The following THBS4 variants were observed in gnomAD, a reference collection of about 807,000 sequenced individuals.
THBS4 encodes the protein thrombospondin 4, also known as thrombospondin-4.
A neutral mutation model predicts 115.7 loss-of-function variants in THBS4; 90 were observed. That is an observed-to-expected ratio of 0.78 (90% CI 0.66 to 0.93). The LOEUF (loss-of-function observed/expected upper bound fraction) is 0.93. THBS4 is among the 40% of genes least tolerant of loss of function. THBS4 has a pLI of 0.00. For missense variants in THBS4, 1,087 were observed against 1,232.7 expected (o/e 0.88, Z 1.77); for synonymous variants, 460 against 479.3 (o/e 0.96, Z 0.53).
At position 80,072,369 on chromosome 5, in the gene THBS4, T is replaced by C. The variant is rs754345025; in HGVS notation, c.1812T>C (p.Ser604=). 6.2e-6 allele frequency: 10 copies of C among 1,614,158 alleles called. No homozygotes were observed. Among genetic ancestry groups the C allele is most frequent in the Non-Finnish European group, 8.5e-6 (10 of 1,180,010 alleles). The change falls in exon 14 of 22, where the codon AGT becomes AGC. Residue 604 remains serine, a synonymous_variant. Transcript: ENST00000350881. ...ATGGTGTGGGGGATGCCTGTGACAG[T>C]TGTCCTGATGTCAGCAACCCTAACC... The part of the protein sequence containing the change: ...DGDGVGDACD[S]CPDVSNPNQS...
chr5:80,078,968 G>A lies in THBS4; in HGVS notation c.2313G>A (p.Val771=), dbSNP rs376193919. The A allele has an allele frequency of 1.9e-6, 3 of 1,614,088 alleles. No individual in the cohort carries two copies. Among genetic ancestry groups the A allele is most frequent in the Non-Finnish European group, 1.7e-6 (2 of 1,179,976 alleles). Residue 771 remains valine (V), a splice_region_variant and synonymous_variant, in exon 18 of 22, where the codon GTG becomes GTA. Coordinates refer to ENST00000350881, the MANE Select transcript of THBS4 (RefSeq NM_003248.6). ...TGAACAGTGATCCTGGCCTGGCAGT[G>A]GGTATGTCCAGGGCCTCAGTTGCCA... The part of the protein sequence containing the change: ...QTMNSDPGLA[V]GYTAFNGVDF...
chr5:79,995,700 T>C (rs1488169131), intron 1 of THBS4, among the ~76,000 whole-genome samples: 1 of 152,048 alleles, frequency 6.6e-6, no homozygotes, highest in Non-Finnish European at 1.5e-5. Context: ...ATGAGAGACA[T>C]GCTCTCTTTC....
intron 1 of THBS4, chr5:80,036,209 T>C: frequency 1.0e-6 from 1 of 985,258 alleles, no homozygotes; most frequent in Non-Finnish European, 1.2e-6. Flanking sequence ...ACTGGTCTTT[T>C]TCAATGAAAT....
chr5:80,012,410 G>T (rs1185098552), intron 2 of THBS4, among the ~76,000 whole-genome samples: 1 of 152,184 alleles, frequency 6.6e-6, no homozygotes. Flanking sequence ...TGGTCCTCTT[G>T]TGGACAGGAG....
rs767882774 is a variant in THBS4 at position 80,059,737 on chromosome 5, G to A, written c.819G>A (p.Thr273=). The change falls in exon 7 of 22, where the codon ACG becomes ACA. Residue 273 remains threonine, a synonymous_variant. Transcript: ENST00000350881. The stretch of plus-strand genomic sequence containing the variant: ...AGTTTCAGTCTCCGACCCCAAGCAC[G>A]GTGGTGCCCCCGGCTCCCCCTGCAC... ...PLKFQSPTPS[T]VVPPAPPAPP... is the part of the protein sequence containing the mutation. 2.5e-5 allele frequency: 41 copies of A among 1,614,042 alleles called. No homozygotes were observed. Among genetic ancestry groups the A allele is most frequent in the African/African-American group, 5.3e-5 (4 of 74,906 alleles).
intron 1 of THBS4, among the ~76,000 whole-genome samples, chr5:79,996,174 A>G (rs1191884325): frequency 2.0e-5 from 3 of 152,068 alleles, no homozygotes; most frequent in Non-Finnish European, 4.4e-5. Context: ...TTTAGAGACT[A>G]TATCAGGGGT....
In THBS4 at chr5:80,080,037, C is replaced by A. The variant is rs143626869; in HGVS notation, c.2644C>A (p.Arg882Ser). 7 of 1,614,060 alleles carry A rather than the reference C, an allele frequency of 4.3e-6. No individual in the cohort carries two copies. Among genetic ancestry groups the A allele is most frequent in the Non-Finnish European group, 5.9e-6 (7 of 1,179,992 alleles). Residue 882 changes from arginine to serine, a missense_variant, in exon 20 of 22, where the codon CGC becomes AGC. Arg to Ser is a moderately radical substitution (Grantham distance 110). Transcript: ENST00000350881. ...GGGCTGGAAGGACAAGGTGTCCTAC[C>A]GCTGGTTCCTACAGCACAGGCCCCA... ...NVGWKDKVSY[R>S]WFLQHRPQVG...
At chr5:80,040,315 TCTC>T in intron 2 of THBS4, 35 bp downstream of exon 2, 1 of 1,522,730 alleles carries the variant, frequency 6.6e-7, no homozygotes, top group Admixed American at 1.9e-5. Flanking sequence ...TTCTTAAAAA[TCTC>T]CTTTTTCTAT....
chr5:80,082,462 C>T lies in THBS4; in HGVS notation c.2741C>T (p.Thr914Ile). ...GCTGACTCTGGCGTCACCATAGACA[C>T]CACAATGCGTGGAGGCCGACTTGGC... Reference protein sequence around the residue: ...LVADSGVTIDTTMRGGRLGVF... With the variant: ...LVADSGVTIDITMRGGRLGVF... The change falls in exon 21 of 22, where the codon ACC (threonine) becomes ATC (isoleucine). Residue 914 changes from threonine to isoleucine, a missense_variant. Around this residue, in one of 3 missense-constraint regions of THBS4, gnomAD observed 103 missense variants for 108.2 expected, o/e 0.95. Transcript: ENST00000350881. The T allele has an allele frequency of 1.9e-6, 3 of 1,613,848 alleles. No individual in the cohort carries two copies. In the South Asian group the frequency reaches 3.3e-5, roughly 18 times the overall value.
intron 7 of THBS4, among the ~76,000 whole-genome samples, chr5:80,060,599 A>C (rs1202816547): frequency 6.6e-6 from 1 of 152,158 alleles, no homozygotes; most frequent in Non-Finnish European, 1.5e-5. Flanking sequence ...ATCTCTACAA[A>C]AAATATGATA....
Position 80,061,749 on chromosome 5 carries a change from T to G in THBS4, c.1042T>G (p.Phe348Val), listed in dbSNP as rs1833644494. 6.2e-7 allele frequency: 1 copy of G among 1,614,052 alleles called. No individual in the cohort carries two copies. Among genetic ancestry groups the G allele is most frequent in the African/African-American group, 1.3e-5 (1 of 74,916 alleles). Residue 348 changes from phenylalanine to valine, a missense_variant, in exon 8 of 22, where the codon TTC becomes GTC. Transcript: ENST00000350881. ...GVHCINLSPGFRCDACPVGFT... is the reference protein window; with the variant it reads ...GVHCINLSPGVRCDACPVGFT... ...GCACTGCATAAATTTGTCTCCTGGC[T>G]TCAGATGTGACGCCTGCCCAGTGGG...
intron 20 of THBS4, 25 bp downstream of exon 20, chr5:80,080,102 C>A: frequency 6.2e-7 from 1 of 1,606,068 alleles, no homozygotes; most frequent in Non-Finnish European, 8.5e-7. Context: ...CATCTCCTTA[C>A]CTTGCTCTAG....
upstream of THBS4, among the ~76,000 whole-genome samples, chr5:80,033,454 C>T (rs151034583): frequency 2.6e-3 from 403 of 152,348 alleles, no homozygotes; most frequent in Admixed American, 0.015. Flanking sequence ...CCTCCAATGT[C>T]ATGGCTGGAG....
rs777987470 is a variant in THBS4, at chr5:80,065,466, G to A, written c.1183G>A (p.Val395Ile). 37 of 1,613,096 alleles carry A rather than the reference G, an allele frequency of 2.3e-5. No individual in the cohort carries two copies. The highest frequency in any genetic ancestry group is 9.3e-5 in the African/African-American group (7 of 74,870). The change falls in exon 9 of 22, where the codon GTT becomes ATT. Residue 395 changes from valine (V) to isoleucine (I), a missense_variant. By Grantham distance (29) the Val-to-Ile change is conservative. This residue lies in a region of THBS4 where 979 missense variants were observed against 1,103.7 expected (regional missense o/e 0.89). Coordinates refer to ENST00000350881, the MANE Select transcript of THBS4 (RefSeq NM_003248.6). ...NGACVPNSIC[V>I]NTLGSYRCGP... is the part of the protein sequence containing the mutation. Reference sequence around the variant, plus strand: ...AGCGTGCGTTCCCAACTCGATCTGCGTTAATACTTTGGTAAGTATTTCTCA... The same window carrying A: ...AGCGTGCGTTCCCAACTCGATCTGCATTAATACTTTGGTAAGTATTTCTCA...
chr5:80,078,919 A>G lies in THBS4; in HGVS notation c.2266-2A>G, dbSNP rs1327789875. ...TCTGAACTCCCTCAACTCTCTCTGC[A>G]GGGCATGGAGATTGTACAGACCATG... On this transcript the variant is annotated splice_acceptor_variant, in intron 17 of 21. Transcript: ENST00000350881. LOFTEE classifies it high-confidence loss of function. The G allele has an allele frequency of 8.1e-6, 13 of 1,613,746 alleles. No individual in the cohort carries two copies. The East Asian group carries it at 8.9e-5, about 11-fold the overall frequency.
At chr5:80,052,722 T>C (rs1833293943) in intron 2 of THBS4, 1 of 152,256 alleles carries the variant, frequency 6.6e-6, no homozygotes, top group Non-Finnish European at 1.5e-5. Context: ...TCGAGTCAGA[T>C]TTCAGAAGGG....
intron 1 of THBS4, among the ~76,000 whole-genome samples, chr5:80,037,898 A>G (rs562499136): frequency 6.6e-6 from 1 of 152,320 alleles, no homozygotes; most frequent in Non-Finnish European, 1.5e-5. Context: ...AACAGTGTTT[A>G]TGGTTTAGGG....
chr5:79,996,983 A>G (rs575157109), intron 1 of THBS4, among the ~76,000 whole-genome samples: 19 of 152,248 alleles, frequency 1.2e-4, no homozygotes, highest in African/African-American at 4.3e-4. Context: ...AGCCACTAAG[A>G]GAACTATACA....
intron 2 of THBS4, among the ~76,000 whole-genome samples, chr5:80,012,131 TAATA>T (rs1343187240): frequency 2.8e-4 from 43 of 151,518 alleles, no homozygotes; most frequent in African/African-American, 8.7e-4. Context: ...AAATAAAAAT[TAATA>T]AATAAATAAA....
Sources: gnomAD v4.1 joint callset for allele counts (sites outside exome capture counted in the v4.1 genomes callset) on GRCh38, gnomAD v4.1.1 for gene constraint, gnomAD v4.1.1 regional missense constraint, MANE v1.5 for transcripts, NCBI Gene and HGNC (gene_info 2026-07-23, HGNC 2026-07-21) for gene names.